ARHGEF12: variants seen among roughly 807,000 people sequenced by gnomAD.
ARHGEF12 encodes Rho guanine nucleotide exchange factor 12, also known as KMT2A/ARHGEF12 fusion protein.
Under a neutral mutation model 211.2 loss-of-function variants are expected in ARHGEF12, and 66 were observed. The observed-to-expected ratio is 0.31, with a 90% CI of 0.26 to 0.38. The LOEUF (loss-of-function observed/expected upper bound fraction) is 0.38. Among genes scored for constraint, ARHGEF12 ranks in the 10% least tolerant of loss-of-function variants. The pLI, the probability that ARHGEF12 is intolerant of heterozygous loss-of-function variation, is 1.00. For synonymous variants in ARHGEF12, 592 were observed against 638.4 expected (o/e 0.93, Z 1.09); for missense variants, 1,429 against 1,869.5 (o/e 0.76, Z 4.34).
chr11:120,365,001 G>C (rs899667660), intron 1 of ARHGEF12, among the ~76,000 whole-genome samples: 1 of 151,850 alleles, frequency 6.6e-6, no homozygotes, highest in East Asian at 1.9e-4. Context: ...TGCCCAGGCT[G>C]GTCTCGAACT....
At chr11:120,409,523 T>C (rs2135587690) in intron 4 of ARHGEF12, 73 bp downstream of exon 4, 8 of 1,451,880 alleles carry the variant, frequency 5.5e-6, no homozygotes, top group Non-Finnish European at 7.7e-6. Context: ...GTTCTTTTTT[T>C]CCTTTCTTTC....
intron 12 of ARHGEF12, 45 bp from the exon 13 acceptor site, chr11:120,440,084 G>T: frequency 7.3e-7 from 1 of 1,365,510 alleles, no homozygotes; most frequent in South Asian, 1.2e-5. Flanking sequence ...TTCTAAATTT[G>T]ACCACCAGGT....
chr11:120,431,807 G>A lies in ARHGEF12; in HGVS notation c.820G>A (p.Asp274Asn). The change falls in exon 11 of 41, where the codon GAC becomes AAC. Residue 274 changes from aspartate (D) to asparagine (N), a missense_variant. Asp to Asn is a conservative substitution (Grantham distance 23). Transcript: ENST00000397843. ...AGTTACACCCTCCAGACCTTTAGGG[G>A]ACACCCTAACAGTCAGTGAGGCAGA... ...AVVTPSRPLG[D>N]TLTVSEAETD... 1.2e-6 allele frequency: 2 copies of A among 1,613,546 alleles called. No homozygotes were observed. The highest frequency in any genetic ancestry group is 1.7e-6 in the Non-Finnish European group (2 of 1,179,718).
intron 2 of ARHGEF12, among the ~76,000 whole-genome samples, chr11:120,407,500 TAA>T (rs912669264): frequency 9.9e-5 from 15 of 152,196 alleles, no homozygotes; most frequent in Non-Finnish European, 1.6e-4. Context: ...CTTCTGAGAA[TAA>T]AAGAGACTTT....
At chr11:120,417,659 T>C (rs10750173) in intron 4 of ARHGEF12, among the ~76,000 whole-genome samples, 64,568 of 151,126 alleles carry the variant, frequency 0.43, 14,062 homozygotes, top group African/African-American at 0.51. Context: ...AGATTACAGG[T>C]ACCTACCACC....
intron 1 of ARHGEF12, chr11:120,385,247 C>T (rs946921555): frequency 3.0e-5 from 29 of 968,886 alleles, no homozygotes; most frequent in South Asian, 9.6e-5. Context: ...TGTTGGGCTT[C>T]GAATGATGAT....
chr11:120,336,911 G>T lies in ARHGEF12; in HGVS notation c.-333G>T. 2.3e-6 allele frequency: 1 copy of T among 429,160 alleles called. No individual in the cohort carries two copies. The highest frequency in any genetic ancestry group is 4.1e-6 in the Non-Finnish European group (1 of 244,566). 26.6% of individuals were successfully genotyped at this position (429,160 alleles called of 1,614,324 possible). A position where few individuals can be genotyped will look rare whatever the true frequency, so the allele number is the denominator to read the frequency against. Reference sequence around the variant, plus strand: ...GCTGATCCCGCCCCAGCCCCGGCGGGAGTCCCGGGTCCCCTTCCCACTGCG... The same window carrying T: ...GCTGATCCCGCCCCAGCCCCGGCGGTAGTCCCGGGTCCCCTTCCCACTGCG... On this transcript the variant is annotated 5_prime_UTR_variant, in exon 1 of 41. Transcript: ENST00000397843.
At chr11:120,424,994 A>G (rs564748708) in intron 7 of ARHGEF12, among the ~76,000 whole-genome samples, 43 of 152,308 alleles carry the variant, frequency 2.8e-4, no homozygotes, top group African/African-American at 9.6e-4. Context: ...GTTTGAGTGA[A>G]TAGCCCACTT....
At chr11:120,451,751 A>C in intron 22 of ARHGEF12, 27 bp downstream of exon 22, 1 of 1,590,428 alleles carries the variant, frequency 6.3e-7, no homozygotes, top group Non-Finnish European at 8.6e-7. Context: ...GTTCAGCTTA[A>C]CTAAGCATCA....
At chr11:120,476,512 A>G (rs1947036955) in intron 33 of ARHGEF12, 149 bp from the exon 34 acceptor site, 2 of 465,492 alleles carry the variant, frequency 4.3e-6, no homozygotes, top group Non-Finnish European at 7.6e-6. Context: ...AAGTTGCACA[A>G]ATTTTAAGTG....
chr11:120,487,434 A>G lies in ARHGEF12; in HGVS notation c.*2357A>G, dbSNP rs1239165715. On this transcript the variant is annotated 3_prime_UTR_variant, in exon 41 of 41. Coordinates refer to ENST00000397843, the MANE Select transcript of ARHGEF12 (RefSeq NM_015313.3). ...AATTTTTGAATGTTCTTTTTATCTT[A>G]CCGACCTAACTTCTCTTTTCCCTCC... 4.6e-6 allele frequency: 1 copy of G among 217,242 alleles called. No individual in the cohort carries two copies. Among genetic ancestry groups the G allele is most frequent in the Non-Finnish European group, 9.3e-6 (1 of 108,084 alleles). 13.5% of individuals were successfully genotyped at this position (217,242 alleles called of 1,614,324 possible).
chr11:120,477,419 G>GTTTTTTT (rs371114939), intron 35 of ARHGEF12, 28 bp from the exon 36 acceptor site: 9 of 1,251,400 alleles, frequency 7.2e-6, no homozygotes, highest in South Asian at 5.7e-5. Flanking sequence ...GAAGGTAAAA[G>GTTTTTTT]TTTTTTTTTT....
intron 6 of ARHGEF12, among the ~76,000 whole-genome samples, chr11:120,422,469 CA>C (rs1266860931): frequency 1.3e-5 from 2 of 152,076 alleles, no homozygotes; most frequent in South Asian, 2.1e-4. Context: ...CAAACCAAAA[CA>C]AAAAACTTGG....
intron 9 of ARHGEF12, 59 bp from the exon 10 acceptor site, chr11:120,429,653 A>G: frequency 2.5e-6 from 4 of 1,576,132 alleles, no homozygotes; most frequent in African/African-American, 1.4e-5. Context: ...AGAATGGACT[A>G]TTTCTGTATC....
At chr11:120,341,160 C>T (rs1037392266) in intron 1 of ARHGEF12, among the ~76,000 whole-genome samples, 17 of 152,084 alleles carry the variant, frequency 1.1e-4, no homozygotes, top group African/African-American at 4.1e-4. Flanking sequence ...CAGGTTCAAG[C>T]GGTTCTCCTG....
At chr11:120,442,037 G>C (rs723937) in intron 14 of ARHGEF12, 67 bp from the exon 15 acceptor site, 3 of 1,171,262 alleles carry the variant, frequency 2.6e-6, no homozygotes, top group Non-Finnish European at 3.7e-6. Context: ...CTACTCAATG[G>C]TGACCTAGCA....
intron 39 of ARHGEF12, among the ~76,000 whole-genome samples, chr11:120,482,744 C>CAA (rs11289906): frequency 4.2e-5 from 5 of 119,054 alleles, no homozygotes; most frequent in East Asian, 4.3e-4. Flanking sequence ...GACTCTGTCT[C>CAA]AAAAAAAAAA....
chr11:120,337,855 G>A (rs1942403942), intron 1 of ARHGEF12: 1 of 985,322 alleles, frequency 1.0e-6, no homozygotes, highest in African/African-American at 1.7e-5. Context: ...ATGTCCAGGA[G>A]CTGAAGAAAT....
In ARHGEF12 at chr11:120,487,872, T is replaced by C; in HGVS notation, c.*2795T>C. On this transcript the variant is annotated 3_prime_UTR_variant, in exon 41 of 41. Transcript: ENST00000397843. ...AAAGTGCTGTAATTTAACATCATGA[T>C]TACCACCTTCGAAGCTATATATTTT... 4.5e-6 allele frequency: 1 copy of C among 219,838 alleles called. No individual in the cohort carries two copies. The highest frequency in any genetic ancestry group is 9.1e-6 in the Non-Finnish European group (1 of 109,658). 13.6% of individuals were successfully genotyped at this position (219,838 alleles called of 1,614,324 possible). A position where few individuals can be genotyped will look rare whatever the true frequency, so the allele number is the denominator to read the frequency against.
Sources: allele counts gnomAD v4.1 joint callset (sites outside exome capture counted in the v4.1 genomes callset), GRCh38; gene constraint gnomAD v4.1.1; transcripts MANE v1.5; gene names NCBI Gene and HGNC (gene_info 2026-07-23, HGNC 2026-07-21).